PTPRM: variants seen among roughly 807,000 people sequenced by gnomAD.
PTPRM encodes the protein protein tyrosine phosphatase receptor type M, also known as receptor-type tyrosine-protein phosphatase mu.
A neutral mutation model predicts 186.7 loss-of-function variants in PTPRM; 47 were observed. The ratio of observed to expected loss-of-function variants is 0.25; its 90% CI spans 0.20 to 0.32. The LOEUF is 0.32. Ranked by LOEUF, PTPRM falls within the 10% of genes least tolerant of loss-of-function variation. PTPRM has a pLI of 1.00. For missense variants in PTPRM, 1,494 were observed against 1,865.0 expected (o/e 0.80, Z 3.66); for synonymous variants, 668 against 674.9 (o/e 0.99, Z 0.16).
chr18:7,905,142 T>G (rs1194012554), intron 3 of PTPRM, among the ~76,000 whole-genome samples: 1 of 152,132 alleles, frequency 6.6e-6, no homozygotes, highest in Non-Finnish European at 1.5e-5. Flanking sequence ...TACAGGCGTA[T>G]GCCACCACGT....
chr18:8,219,280 A>G (rs1033011121), intron 14 of PTPRM, among the ~76,000 whole-genome samples: 4 of 152,156 alleles, frequency 2.6e-5, no homozygotes, highest in Non-Finnish European at 5.9e-5. Context: ...ATCCTGGCTA[A>G]CATGGTGAAA....
intron 5 of PTPRM, among the ~76,000 whole-genome samples, chr18:7,936,846 A>G (rs980980632): frequency 1.3e-5 from 2 of 152,050 alleles, no homozygotes; most frequent in African/African-American, 2.4e-5. Context: ...GCCAGACTCG[A>G]GCACTCAGGC....
intron 7 of PTPRM, among the ~76,000 whole-genome samples, chr18:8,036,862 A>G (rs1360768684): frequency 6.6e-6 from 1 of 152,168 alleles, no homozygotes; most frequent in Non-Finnish European, 1.5e-5. Context: ...CCTTATTTAC[A>G]ACTGATGATG....
At chr18:7,637,270 A>G (rs1482687756) in intron 1 of PTPRM, among the ~76,000 whole-genome samples, 2 of 151,386 alleles carry the variant, frequency 1.3e-5, no homozygotes, top group Non-Finnish European at 1.5e-5. Flanking sequence ...ATTTCCCTTT[A>G]TATCCTGTAG....
chr18:8,288,556 T>C (rs933240993), intron 19 of PTPRM, among the ~76,000 whole-genome samples: 4 of 152,232 alleles, frequency 2.6e-5, no homozygotes, highest in African/African-American at 9.6e-5. Context: ...CACCTTATTC[T>C]GCGTCAGTCT....
At chr18:7,672,200 T>C (rs1184484602) in intron 1 of PTPRM, among the ~76,000 whole-genome samples, 1 of 152,224 alleles carries the variant, frequency 6.6e-6, no homozygotes, top group Non-Finnish European at 1.5e-5. Flanking sequence ...TGTTTATGAT[T>C]TGCATGTAAG....
intron 1 of PTPRM, among the ~76,000 whole-genome samples, chr18:7,698,414 A>C (rs550817313): frequency 6.6e-6 from 1 of 152,344 alleles, no homozygotes; most frequent in South Asian, 2.1e-4. Context: ...AGTTCAATTT[A>C]GTAAACCTCT....
At chr18:8,098,146 T>C (rs1021934480) in intron 11 of PTPRM, among the ~76,000 whole-genome samples, 1 of 152,138 alleles carries the variant, frequency 6.6e-6, no homozygotes, top group Admixed American at 6.5e-5. Flanking sequence ...CACCGTATGA[T>C]GTTTGCACAA....
intron 1 of PTPRM, among the ~76,000 whole-genome samples, chr18:7,638,767 CTCTTGAT>C (rs966495475): frequency 6.6e-6 from 1 of 152,158 alleles, no homozygotes; most frequent in Non-Finnish European, 1.5e-5. Context: ...ATGCTTTTTA[CTCTTGAT>C]TCAGCAATAA....
intron 32 of PTPRM, among the ~76,000 whole-genome samples, chr18:8,396,448 A>G (rs2095845875): frequency 6.6e-6 from 1 of 152,130 alleles, no homozygotes; most frequent in Non-Finnish European, 1.5e-5. Context: ...CCTTTCCTCT[A>G]ATGGCTCCAG....
At chr18:7,621,288 T>A (rs552471596) in intron 1 of PTPRM, among the ~76,000 whole-genome samples, 3 of 152,256 alleles carry the variant, frequency 2.0e-5, no homozygotes, top group African/African-American at 7.2e-5. Context: ...TGTTTGAAAC[T>A]CTGTTAAATT....
chr18:8,327,353 A>G (rs2095383815), intron 22 of PTPRM, among the ~76,000 whole-genome samples: 1 of 152,216 alleles, frequency 6.6e-6, no homozygotes, highest in African/African-American at 2.4e-5. Context: ...CACCCATCAG[A>G]CAGAACTGCC....
At chr18:8,074,806 C>G (rs1362369500) in intron 8 of PTPRM, among the ~76,000 whole-genome samples, 1 of 152,130 alleles carries the variant, frequency 6.6e-6, no homozygotes, top group Non-Finnish European at 1.5e-5. Context: ...AGATACAAAT[C>G]TCTTATATAT....
chr18:7,683,872 C>T (rs1293595345), intron 1 of PTPRM, among the ~76,000 whole-genome samples: 2 of 152,104 alleles, frequency 1.3e-5, no homozygotes, highest in Non-Finnish European at 2.9e-5. Flanking sequence ...CCCCCAGGCT[C>T]ATTCAGGTTG....
At chr18:8,045,597 A>G (rs969742262) in intron 7 of PTPRM, among the ~76,000 whole-genome samples, 2 of 152,198 alleles carry the variant, frequency 1.3e-5, no homozygotes, top group Admixed American at 6.5e-5. Context: ...TTCCAGTTAT[A>G]TGAAATACCC....
intron 1 of PTPRM, among the ~76,000 whole-genome samples, chr18:7,714,512 A>G (rs1217531801): frequency 6.6e-6 from 1 of 152,154 alleles, no homozygotes; most frequent in Non-Finnish European, 1.5e-5. Context: ...AGAAATAACT[A>G]CAATCAGAGT....
chr18:8,065,366 C>T (rs547781325), intron 7 of PTPRM, among the ~76,000 whole-genome samples: 43 of 152,270 alleles, frequency 2.8e-4, no homozygotes, highest in African/African-American at 8.7e-4. Context: ...GGTCAGACTT[C>T]TCTGCTGGAA....
chr18:8,167,637 G>C (rs1041353209), intron 14 of PTPRM, among the ~76,000 whole-genome samples: 2 of 152,184 alleles, frequency 1.3e-5, no homozygotes, highest in African/African-American at 4.8e-5. Context: ...TTGTGTTCTT[G>C]GAAGCATCTG....
At chr18:7,650,019 A>C (rs2038660123) in intron 1 of PTPRM, among the ~76,000 whole-genome samples, 1 of 152,224 alleles carries the variant, frequency 6.6e-6, no homozygotes, top group African/African-American at 2.4e-5. Flanking sequence ...ACTGGGAAAC[A>C]AAACAAAATT....
Sources: allele counts gnomAD v4.1 joint callset (sites outside exome capture counted in the v4.1 genomes callset), GRCh38; gene constraint gnomAD v4.1.1; transcripts MANE v1.5; gene names NCBI Gene and HGNC (gene_info 2026-07-23, HGNC 2026-07-21).